CENPW: variants seen among roughly 807,000 people sequenced by gnomAD.
CENPW encodes the protein centromere protein W.
CENPW carries 3 observed loss-of-function variants against 11.1 expected under a neutral mutation model. The observed-to-expected ratio is 0.27, with a 90% CI of 0.12 to 0.70. CENPW has a LOEUF of 0.70. CENPW is among the 30% of genes least tolerant of loss of function. CENPW has a pLI of 0.77. For synonymous variants in CENPW, 38 were observed against 42.0 expected (o/e 0.91, Z 0.37); for missense variants, 100 against 105.6 (o/e 0.95, Z 0.23).
chr6:126,404,775 T>C, the CENPW span, among the ~76,000 whole-genome samples: 1 of 152,034 alleles, frequency 6.6e-6, no homozygotes, highest in African/African-American at 2.4e-5. Flanking sequence ...ATTTTTCATA[T>C]ACCTATTGGC....
At chr6:126,398,150 A>T in the CENPW span, among the ~76,000 whole-genome samples, 1 of 152,148 alleles carries the variant, frequency 6.6e-6, no homozygotes, top group Non-Finnish European at 1.5e-5. Flanking sequence ...TGAGGTTTGG[A>T]TTGCAAATTA....
the CENPW span, among the ~76,000 whole-genome samples, chr6:126,454,318 G>A: frequency 6.6e-6 from 1 of 151,294 alleles, no homozygotes; most frequent in African/African-American, 2.4e-5. Flanking sequence ...CACATGATCA[G>A]CCATAAAACA....
intron 1 of CENPW, 72 bp downstream of exon 1, chr6:126,340,471 T>A: frequency 6.2e-7 from 1 of 1,609,588 alleles, no homozygotes; most frequent in South Asian, 1.1e-5. Context: ...TAAGCCTTTG[T>A]TTTTCCGCCC....
chr6:126,393,543 C>T, the CENPW span, among the ~76,000 whole-genome samples: 7 of 151,410 alleles, frequency 4.6e-5, no homozygotes, highest in East Asian at 3.9e-4. Flanking sequence ...TTGACTGACT[C>T]GTTTTCAGGA....
chr6:126,423,116 A>G, the CENPW span, among the ~76,000 whole-genome samples: 3 of 151,958 alleles, frequency 2.0e-5, no homozygotes, highest in Admixed American at 1.3e-4. Context: ...ATGGTTGCCC[A>G]TCAGTATTTG....
At chr6:126,467,967 GAAA>G in the CENPW span, among the ~76,000 whole-genome samples, 1 of 152,082 alleles carries the variant, frequency 6.6e-6, no homozygotes, top group South Asian at 2.1e-4. Context: ...ATAATTATAA[GAAA>G]AACATGTGAC....
chr6:126,351,889 T>C (rs979191290), downstream of CENPW, among the ~76,000 whole-genome samples: 1 of 152,128 alleles, frequency 6.6e-6, no homozygotes, highest in African/African-American at 2.4e-5. Flanking sequence ...ACAATCAATA[T>C]AGCACCTTGT....
chr6:126,365,126 T>G, the CENPW span, among the ~76,000 whole-genome samples: 1 of 152,142 alleles, frequency 6.6e-6, no homozygotes, highest in African/African-American at 2.4e-5. Flanking sequence ...GGGGTAGAAG[T>G]AGACTATGGG....
chr6:126,365,643 C>T, the CENPW span, among the ~76,000 whole-genome samples: 1 of 152,110 alleles, frequency 6.6e-6, no homozygotes, highest in Admixed American at 6.5e-5. Context: ...CAGAAGCAGA[C>T]CATAGCAACC....
chr6:126,438,341 T>C, the CENPW span, among the ~76,000 whole-genome samples: 1 of 151,770 alleles, frequency 6.6e-6, no homozygotes, highest in Non-Finnish European at 1.5e-5. Flanking sequence ...CTGAATGATA[T>C]GTGACCTATT....
At chr6:126,344,752 G>T (rs145168560) in intron 1 of CENPW, among the ~76,000 whole-genome samples, 293 of 152,150 alleles carry the variant, frequency 1.9e-3, no homozygotes, top group Middle Eastern at 3.4e-3. Context: ...CATATCACTA[G>T]AACATTATTA....
chr6:126,414,928 G>C, the CENPW span, among the ~76,000 whole-genome samples: 20 of 151,824 alleles, frequency 1.3e-4, no homozygotes, highest in Non-Finnish European at 2.1e-4. Context: ...ATTGATACCA[G>C]AGAAATACAA....
the CENPW span, among the ~76,000 whole-genome samples, chr6:126,366,775 A>G: frequency 5.3e-5 from 8 of 152,278 alleles, no homozygotes; most frequent in East Asian, 1.4e-3. Flanking sequence ...AGATTGGATA[A>G]TTGATAAAGA....
chr6:126,454,447 C>A, the CENPW span, among the ~76,000 whole-genome samples: 1 of 151,210 alleles, frequency 6.6e-6, no homozygotes, highest in East Asian at 2.0e-4. Flanking sequence ...ACATGTAAAT[C>A]GAACAATCTG....
the CENPW span, among the ~76,000 whole-genome samples, chr6:126,365,622 G>A: frequency 6.6e-6 from 1 of 152,164 alleles, no homozygotes; most frequent in Admixed American, 6.5e-5. Context: ...CATAAGATTT[G>A]GGTGGGGACA....
the CENPW span, among the ~76,000 whole-genome samples, chr6:126,431,847 A>G: frequency 1.3e-5 from 2 of 151,760 alleles, no homozygotes; most frequent in African/African-American, 4.8e-5. Context: ...TGGGCAGATC[A>G]TGAGGTCAGG....
the CENPW span, among the ~76,000 whole-genome samples, chr6:126,362,442 G>A: frequency 2.0e-5 from 3 of 152,152 alleles, no homozygotes; most frequent in Non-Finnish European, 4.4e-5. Context: ...GCTGTTTGGT[G>A]CACCCAATTC....
At chr6:126,421,524 T>A in the CENPW span, among the ~76,000 whole-genome samples, 3 of 152,116 alleles carry the variant, frequency 2.0e-5, no homozygotes, top group Non-Finnish European at 1.5e-5. Flanking sequence ...TCTCCAACTT[T>A]ATTAAGACTT....
At chr6:126,359,548 G>T in the CENPW span, among the ~76,000 whole-genome samples, 2 of 150,166 alleles carry the variant, frequency 1.3e-5, no homozygotes, top group African/African-American at 2.5e-5. Flanking sequence ...ATTACTATGT[G>T]TCTGTCTAAG....
Sources: allele counts gnomAD v4.1 joint callset (sites outside exome capture counted in the v4.1 genomes callset), GRCh38; gene constraint gnomAD v4.1.1; transcripts MANE v1.5; gene names NCBI Gene and HGNC (gene_info 2026-07-23, HGNC 2026-07-21).